SRBD1: variants seen among roughly 807,000 people sequenced by gnomAD.
SRBD1 encodes the protein S1 RNA-binding domain-containing protein 1.
In SRBD1, 88 loss-of-function variants were observed where a neutral mutation model predicts 115.3. The observed-to-expected ratio is 0.76, with a 90% CI of 0.64 to 0.91. SRBD1 has a LOEUF of 0.91. Among genes scored for constraint, SRBD1 ranks in the 40% least tolerant of loss-of-function variants. SRBD1 has a pLI of 0.00. For synonymous variants in SRBD1, 509 were observed against 407.7 expected (o/e 1.25, Z -2.99); for missense variants, 1,385 against 1,177.4 (o/e 1.18, Z -2.58).
At chr2:45,491,227 A>G (rs190759888) in intron 14 of SRBD1, among the ~76,000 whole-genome samples, 2 of 152,198 alleles carry the variant, frequency 1.3e-5, no homozygotes, top group Non-Finnish European at 2.9e-5. Context: ...TTTCCAATAA[A>G]CTATTGGGAA....
intron 16 of SRBD1, among the ~76,000 whole-genome samples, chr2:45,440,098 CA>C (rs1427915771): frequency 6.6e-6 from 1 of 152,142 alleles, no homozygotes; most frequent in East Asian, 1.9e-4. Flanking sequence ...CAGTTAATGA[CA>C]CAAGCTTGCT....
At chr2:45,495,125 G>T (rs1670416629) in intron 14 of SRBD1, among the ~76,000 whole-genome samples, 1 of 152,140 alleles carries the variant, frequency 6.6e-6, no homozygotes, top group African/African-American at 2.4e-5. Context: ...TCTTTCAAAA[G>T]AACAGAATTA....
intron 1 of SRBD1, among the ~76,000 whole-genome samples, chr2:45,605,748 A>G (rs1471875977): frequency 6.6e-6 from 1 of 152,072 alleles, no homozygotes; most frequent in Admixed American, 6.6e-5. Flanking sequence ...TACTAAAAAT[A>G]GAAAAATTAG....
chr2:45,407,356 C>G (rs1198687582), intron 19 of SRBD1, among the ~76,000 whole-genome samples: 3 of 152,122 alleles, frequency 2.0e-5, no homozygotes, highest in African/African-American at 7.2e-5. Flanking sequence ...AAAACCTACC[C>G]TAAATGTAAC....
At position 45,389,209 on chromosome 2, in the gene SRBD1, T is replaced by C. The variant is rs1035014200; in HGVS notation, c.*101A>G. The C allele has an allele frequency of 7.8e-5, 103 of 1,326,502 alleles. No homozygotes were observed. Among genetic ancestry groups the C allele is most frequent in the Non-Finnish European group, 9.8e-5 (95 of 969,730 alleles). The allele number at this position is 1,326,502 out of a possible 1,614,324, so 82.2% of individuals were successfully genotyped here. A position where few individuals can be genotyped will look rare whatever the true frequency, so the allele number is the denominator to read the frequency against. ...GAAAATATTTCTGATATTAAGTGAA[T>C]TATTTCTCATCTGCTACCTAGAGTT... On this transcript the variant is annotated 3_prime_UTR_variant, in exon 21 of 21. Transcript: ENST00000263736.
chr2:45,599,429 C>T lies in SRBD1; in HGVS notation c.648+20G>A. Reference sequence around the variant, plus strand: ...AAAGCACTCAAAACAACTAAAGTGACAGAAAAAGGCTGCACATACCTGTAC... The same window carrying T: ...AAAGCACTCAAAACAACTAAAGTGATAGAAAAAGGCTGCACATACCTGTAC... On this transcript the variant is annotated intron_variant, in intron 4 of 20. Coordinates refer to ENST00000263736, the MANE Select transcript of SRBD1 (RefSeq NM_018079.5). The T allele has an allele frequency of 3.1e-6, 5 of 1,597,458 alleles. No homozygotes were observed. Among genetic ancestry groups the T allele is most frequent in the Non-Finnish European group, 3.4e-6 (4 of 1,171,198 alleles).
intron 14 of SRBD1, among the ~76,000 whole-genome samples, chr2:45,531,240 G>C (rs1441885572): frequency 6.6e-6 from 1 of 151,722 alleles, no homozygotes; most frequent in African/African-American, 2.4e-5. Context: ...GACAAGTCCA[G>C]GTCTGGATTG....
At chr2:45,440,613 A>C (rs1034113076) in intron 16 of SRBD1, among the ~76,000 whole-genome samples, 1 of 152,262 alleles carries the variant, frequency 6.6e-6, no homozygotes, top group Non-Finnish European at 1.5e-5. Flanking sequence ...CTGACATAAT[A>C]CAAAGGAGTT....
At chr2:45,595,593 C>A (rs1031483031) in intron 4 of SRBD1, among the ~76,000 whole-genome samples, 12 of 152,160 alleles carry the variant, frequency 7.9e-5, no homozygotes, top group African/African-American at 2.9e-4. Context: ...CCTCTTTTTC[C>A]AACATCTACC....
chr2:45,528,364 C>A (rs1344480897), intron 14 of SRBD1, among the ~76,000 whole-genome samples: 2 of 151,874 alleles, frequency 1.3e-5, no homozygotes, highest in East Asian at 1.9e-4. Context: ...ATAGGAGACA[C>A]ATTTCAGAGA....
chr2:45,532,707 T>A (rs1416570310), intron 14 of SRBD1, among the ~76,000 whole-genome samples: 1 of 151,714 alleles, frequency 6.6e-6, no homozygotes, highest in Non-Finnish European at 1.5e-5. Flanking sequence ...AATGTACGGA[T>A]GTGGGGAACT....
chr2:45,548,547 A>C (rs183397277), intron 12 of SRBD1, among the ~76,000 whole-genome samples: 1 of 152,242 alleles, frequency 6.6e-6, no homozygotes, highest in Admixed American at 6.5e-5. Flanking sequence ...TTATCCTATA[A>C]GCAATACAAT....
intron 14 of SRBD1, among the ~76,000 whole-genome samples, chr2:45,542,421 C>T (rs551867500): frequency 2.6e-5 from 4 of 152,310 alleles, no homozygotes; most frequent in Non-Finnish European, 2.9e-5. Context: ...GCTGCAACTG[C>T]GCCCAGGAGC....
intron 19 of SRBD1, among the ~76,000 whole-genome samples, chr2:45,406,051 G>C (rs2103841833): frequency 6.6e-6 from 1 of 152,190 alleles, no homozygotes; most frequent in Admixed American, 6.5e-5. Context: ...GAGACAGTTA[G>C]TTATAAAGCT....
At chr2:45,459,432 C>A (rs965366217) in intron 16 of SRBD1, among the ~76,000 whole-genome samples, 1 of 152,076 alleles carries the variant, frequency 6.6e-6, no homozygotes, top group Non-Finnish European at 1.5e-5. Context: ...TTCTGTCCTT[C>A]CTTTCAGCAG....
chr2:45,511,655 T>C (rs552834011), intron 14 of SRBD1, among the ~76,000 whole-genome samples: 20 of 152,334 alleles, frequency 1.3e-4, no homozygotes, highest in African/African-American at 4.6e-4. Context: ...CGAGAAACAA[T>C]GTTATCGGCA....
chr2:45,464,471 A>C (rs1558412769), intron 16 of SRBD1, among the ~76,000 whole-genome samples: 1 of 152,240 alleles, frequency 6.6e-6, no homozygotes, highest in Non-Finnish European at 1.5e-5. Context: ...GGCAAATATA[A>C]TAAACAAGTA....
chr2:45,411,676 A>C (rs1035524891), intron 19 of SRBD1, among the ~76,000 whole-genome samples: 1 of 152,242 alleles, frequency 6.6e-6, no homozygotes, highest in Non-Finnish European at 1.5e-5. Context: ...TATAAACTTA[A>C]AATTTAATTG....
chr2:45,560,452 C>A (rs896311383), intron 10 of SRBD1, among the ~76,000 whole-genome samples: 7 of 152,162 alleles, frequency 4.6e-5, no homozygotes, highest in African/African-American at 9.7e-5. Context: ...TTTGTAATAA[C>A]AGATACCATC....
Sources: gnomAD v4.1 joint callset for allele counts (sites outside exome capture counted in the v4.1 genomes callset) on GRCh38, gnomAD v4.1.1 for gene constraint, MANE v1.5 for transcripts, NCBI Gene and HGNC (gene_info 2026-07-23, HGNC 2026-07-21) for gene names.